Variants in GPC5 observed in about 807,000 individuals in gnomAD.
GPC5 encodes the protein glypican 5.
Under a neutral mutation model 53.9 loss-of-function variants are expected in GPC5, and 47 were observed. That is an observed-to-expected ratio of 0.87 (90% CI 0.69 to 1.11). GPC5 has a LOEUF of 1.11. Among genes scored for constraint, GPC5 ranks in the 50% most tolerant of loss-of-function variants. GPC5 has a pLI of 0.00. For missense variants in GPC5, 748 were observed against 713.1 expected, an observed-to-expected ratio of 1.05 and a Z score of -0.56; for synonymous variants, 286 against 263.3, an observed-to-expected ratio of 1.09 and a Z score of -0.84.
chr13:92,509,161 A>C (rs546249389), intron 7 of GPC5, among the ~76,000 whole-genome samples: 6 of 152,276 alleles, frequency 3.9e-5, no homozygotes, highest in African/African-American at 1.4e-4. Flanking sequence ...CTCTATCATG[A>C]TTTACCCCTG....
chr13:92,569,053 A>G lies in GPC5; in HGVS notation c.1562-297229A>G, dbSNP rs571865719. Among the ~76,000 whole-genome samples, 10 of 145,664 alleles carry G rather than the reference A, an allele frequency of 6.9e-5. No homozygotes were observed. The South Asian group carries it at 2.1e-3, about 31-fold the overall frequency. On this transcript the variant is annotated intron_variant, in intron 7 of 7. Coordinates refer to ENST00000377067, the MANE Select transcript of GPC5 (RefSeq NM_004466.6). ...TAACTCGTCATTTAGCATTAGGTAT[A>G]TCTCCTAATGCTATCCCTCCCCCCT...
At chr13:92,329,569 A>G (rs1296736837) in intron 7 of GPC5, among the ~76,000 whole-genome samples, 1 of 152,150 alleles carries the variant, frequency 6.6e-6, no homozygotes, top group Non-Finnish European at 1.5e-5. Context: ...CTCCAAACAC[A>G]TATCAAGGAC....
chr13:91,966,519 T>C (rs2040182230), intron 6 of GPC5, among the ~76,000 whole-genome samples: 1 of 152,208 alleles, frequency 6.6e-6, no homozygotes, highest in South Asian at 2.1e-4. Flanking sequence ...GAGACAGGTG[T>C]ATGTATTCAG....
At chr13:91,626,391 C>A (rs954527887) in intron 2 of GPC5, among the ~76,000 whole-genome samples, 4 of 152,156 alleles carry the variant, frequency 2.6e-5, no homozygotes, top group Non-Finnish European at 5.9e-5. Context: ...TATGGAATTT[C>A]TCTGAATCTC....
chr13:92,819,430 T>G (rs1010189738), intron 7 of GPC5, among the ~76,000 whole-genome samples: 1 of 152,176 alleles, frequency 6.6e-6, no homozygotes, highest in East Asian at 1.9e-4. Flanking sequence ...TCACCAAACT[T>G]TAATTCCCTC....
intron 7 of GPC5, among the ~76,000 whole-genome samples, chr13:92,814,353 C>CA (rs1317023954): frequency 4.0e-5 from 6 of 151,578 alleles, no homozygotes; most frequent in African/African-American, 7.3e-5. Context: ...CCAAAACAGA[C>CA]AAAAAAATTA....
intron 6 of GPC5, among the ~76,000 whole-genome samples, chr13:91,982,772 T>C (rs1264883363): frequency 6.6e-6 from 1 of 152,138 alleles, no homozygotes; most frequent in East Asian, 1.9e-4. Flanking sequence ...AGGAGGCCAG[T>C]CATAGGTGGC....
intron 1 of GPC5, among the ~76,000 whole-genome samples, chr13:91,426,498 G>T (rs369343769): frequency 2.0e-5 from 3 of 152,204 alleles, no homozygotes; most frequent in Admixed American, 1.3e-4. Flanking sequence ...AAACTGAGGA[G>T]CCAGGAAGCC....
chr13:92,433,946 C>T (rs1488796448), intron 7 of GPC5, among the ~76,000 whole-genome samples: 2 of 152,080 alleles, frequency 1.3e-5, no homozygotes, highest in Admixed American at 1.3e-4. Flanking sequence ...AGGGATGAAA[C>T]ATGTAACTTG....
chr13:91,563,728 A>T (rs937832255), intron 2 of GPC5, among the ~76,000 whole-genome samples: 2 of 152,146 alleles, frequency 1.3e-5, no homozygotes, highest in Non-Finnish European at 2.9e-5. Flanking sequence ...TCTGTTGATA[A>T]TACCAGCGAA....
At chr13:91,715,203 C>T (rs988385509) in intron 3 of GPC5, among the ~76,000 whole-genome samples, 1 of 152,164 alleles carries the variant, frequency 6.6e-6, no homozygotes, top group African/African-American at 2.4e-5. Flanking sequence ...GCTGCTTCTG[C>T]CCCATCCCTG....
intron 7 of GPC5, among the ~76,000 whole-genome samples, chr13:92,657,579 GTTTT>G (rs67038073): frequency 1.9e-5 from 2 of 106,728 alleles, no homozygotes; most frequent in Non-Finnish European, 3.6e-5. Flanking sequence ...AGGTTTTTTG[GTTTT>G]TTTTTTTTTT....
At chr13:91,739,427 A>G (rs2036882295) in intron 4 of GPC5, among the ~76,000 whole-genome samples, 1 of 151,458 alleles carries the variant, frequency 6.6e-6, no homozygotes, top group African/African-American at 2.5e-5. Context: ...GTAGTGGCTT[A>G]AACCAACCAT....
At chr13:91,860,381 T>C (rs2039013127) in intron 5 of GPC5, among the ~76,000 whole-genome samples, 1 of 152,122 alleles carries the variant, frequency 6.6e-6, no homozygotes, top group Non-Finnish European at 1.5e-5. Flanking sequence ...CTATGCATAT[T>C]GCTGTGAAGG....
intron 7 of GPC5, among the ~76,000 whole-genome samples, chr13:92,507,517 G>A (rs558759307): frequency 4.3e-4 from 65 of 152,244 alleles, no homozygotes; most frequent in African/African-American, 1.5e-3. Flanking sequence ...TGGCAGAATA[G>A]ATGAAATCCC....
At chr13:91,669,037 A>G (rs2035183253) in intron 2 of GPC5, among the ~76,000 whole-genome samples, 1 of 152,202 alleles carries the variant, frequency 6.6e-6, no homozygotes, top group Non-Finnish European at 1.5e-5. Flanking sequence ...AATAAAAAAA[A>G]TATTGTGCAA....
At chr13:92,414,883 G>T (rs945323783) in intron 7 of GPC5, among the ~76,000 whole-genome samples, 1 of 152,100 alleles carries the variant, frequency 6.6e-6, no homozygotes, top group Admixed American at 6.5e-5. Flanking sequence ...TTTTGACCTT[G>T]TTACCTCCCA....
chr13:91,878,614 C>A (rs1030970081), intron 5 of GPC5, among the ~76,000 whole-genome samples: 1 of 152,040 alleles, frequency 6.6e-6, no homozygotes, highest in Non-Finnish European at 1.5e-5. Flanking sequence ...GGGTGGTTGT[C>A]CCTATGCTGC....
chr13:92,668,173 A>G (rs1886635779), intron 7 of GPC5, among the ~76,000 whole-genome samples: 1 of 152,174 alleles, frequency 6.6e-6, no homozygotes, highest in Non-Finnish European at 1.5e-5. Flanking sequence ...TTATGGAAAA[A>G]TTTTAGGATT....
Sources: gnomAD v4.1 joint callset for allele counts (sites outside exome capture counted in the v4.1 genomes callset) on GRCh38, gnomAD v4.1.1 for gene constraint, MANE v1.5 for transcripts, NCBI Gene and HGNC (gene_info 2026-07-23, HGNC 2026-07-21) for gene names.